DERA: variants seen among roughly 807,000 people sequenced by gnomAD.
DERA encodes the protein 2-deoxy-D-ribose 5-phosphate aldolase.
A neutral mutation model predicts 41.1 loss-of-function variants in DERA; 15 were observed. The observed-to-expected ratio is 0.37, with a 90% CI of 0.24 to 0.56. The LOEUF is 0.56. Among genes scored for constraint, DERA ranks in the 20% least tolerant of loss-of-function variants. The pLI, the probability that DERA is intolerant of heterozygous loss-of-function variation, is 0.81. For synonymous variants in DERA, 139 were observed against 137.4 expected (o/e 1.01, Z -0.08); for missense variants, 396 against 403.4 (o/e 0.98, Z 0.16).
At position 16,003,099 on chromosome 12, in the gene DERA, T is replaced by C. The variant is rs761504844; in HGVS notation, c.637+20663T>C. On this transcript the variant is annotated intron_variant, in intron 6 of 8. Transcript: ENST00000428559. This position sits in a 1 kb window ranked among gnomAD's most constrained non-coding sequence, Gnocchi z 4.8. ...AGCAGGGTTAGTTCCTTCTGAGGGC[T>C]ATGAGAAAGAATCTGTTTTGTGGCT... 1.2e-4 allele frequency among the ~76,000 whole-genome samples: 19 copies of C among 152,310 alleles called. No individual in the cohort carries two copies. The highest frequency in any genetic ancestry group is 1.9e-4 in the Non-Finnish European group (13 of 68,032).
rs1265419799 is a variant in DERA at position 15,994,059 on chromosome 12, A to G, written c.637+11623A>G. ...GTCTGTGTAAAATTTTATTGTCTGA[A>G]ATTGTGAAAAATGTAGCCCAACATA... On this transcript the variant is annotated intron_variant, in intron 6 of 8. Coordinates refer to ENST00000428559, the MANE Select transcript of DERA (RefSeq NM_015954.4). The surrounding 1 kb of genome is among the most constrained non-coding windows in gnomAD (Gnocchi z 4.8). 6.6e-6 allele frequency among the ~76,000 whole-genome samples: 1 copy of G among 152,218 alleles called. No homozygotes were observed. Among genetic ancestry groups the G allele is most frequent in the Non-Finnish European group, 1.5e-5 (1 of 68,048 alleles).
Position 15,924,311 on chromosome 12 carries a change from A to G in DERA, c.31+12897A>G, listed in dbSNP as rs1025657118. On this transcript the variant is annotated intron_variant, in intron 1 of 8. Transcript: ENST00000428559. This position sits in a 1 kb window ranked among gnomAD's most constrained non-coding sequence, Gnocchi z 5.0. ...GTGGTATGCCGCTATGGTCACAGCT[A>G]CCTTGGAAACTGAGGCGGGACAAGG... 2.0e-5 allele frequency among the ~76,000 whole-genome samples: 3 copies of G among 152,202 alleles called. No individual in the cohort carries two copies. The East Asian group carries it at 5.8e-4, about 29-fold the overall frequency.
At chr12:15,961,459 T>C (rs1948587283) in intron 4 of DERA, among the ~76,000 whole-genome samples, 1 of 152,112 alleles carries the variant, frequency 6.6e-6, no homozygotes, top group African/African-American at 2.4e-5. Flanking sequence ...GAGGATTGAT[T>C]AAAGCCAGAA....
rs1340884323 is a variant in DERA at position 16,036,233 on chromosome 12, T to C, written c.752T>C (p.Ile251Thr). 2 of 1,596,518 alleles carry C rather than the reference T, an allele frequency of 1.3e-6. No individual in the cohort carries two copies. The highest frequency in any genetic ancestry group is 4.5e-5 in the East Asian group (2 of 44,482). Residue 251 changes from isoleucine (I) to threonine (T), a missense_variant and splice_region_variant, in exon 8 of 9, where the codon ATA (isoleucine) becomes ACA (threonine). Coordinates refer to ENST00000428559, the MANE Select transcript of DERA (RefSeq NM_015954.4). This position sits in a 1 kb window ranked among gnomAD's most constrained non-coding sequence, Gnocchi z 4.9. ...RDFFWKTGNK[I>T]GFKPAGGIRS... ...TCTATTCTCTGCCTTCCCATTTAGA[T>C]AGGGTTTAAACCAGCAGGAGGCATC...
intron 5 of DERA, among the ~76,000 whole-genome samples, chr12:15,968,604 T>C (rs1948639560): frequency 6.6e-6 from 1 of 152,266 alleles, no homozygotes; most frequent in African/African-American, 2.4e-5. Flanking sequence ...AGACAGATCT[T>C]GGCTGGAATC....
At chr12:15,991,108 C>T (rs906352655) in intron 6 of DERA, among the ~76,000 whole-genome samples, 4 of 152,142 alleles carry the variant, frequency 2.6e-5, no homozygotes, top group Admixed American at 6.5e-5. Context: ...TCCACAACCT[C>T]GCCAGCATTT....
Position 16,007,487 on chromosome 12 carries a change from A to G in DERA, c.637+25051A>G, listed in dbSNP as rs370834327. ...GCGTGAGCCACTGTGCCCCGCCAAT[A>G]GACATTATTCTTCATTAAAGCTGGT... is the stretch of plus-strand genomic sequence containing the variant. On this transcript the variant is annotated intron_variant, in intron 6 of 8. Coordinates refer to ENST00000428559, the MANE Select transcript of DERA (RefSeq NM_015954.4). Among the ~76,000 whole-genome samples, 19 of 152,228 alleles carry G rather than the reference A, an allele frequency of 1.2e-4. No homozygotes were observed. The East Asian group carries it at 3.5e-3, about 28-fold the overall frequency.
chr12:15,936,892 T>TTGTCCC lies in DERA; in HGVS notation c.32-20044_32-20043insTGTCCC, dbSNP rs1565588632. 7.9e-6 allele frequency among the ~76,000 whole-genome samples: 1 copy of TTGTCCC among 126,670 alleles called. No individual in the cohort carries two copies. Among genetic ancestry groups the TTGTCCC allele is most frequent in the East Asian group, 2.0e-4 (1 of 4,980 alleles). The allele number at this position is 126,670 out of a possible 152,430, so 83.1% of individuals were successfully genotyped here. ...TGTCTTGTCTTGTCTTGTCTTGTCC[T>TTGTCCC]GTCCTGTCCTGTCCTGTCCTGTCCT... On this transcript the variant is annotated intron_variant, in intron 1 of 8. Coordinates refer to ENST00000428559, the MANE Select transcript of DERA (RefSeq NM_015954.4). This position sits in a 1 kb window ranked among gnomAD's most constrained non-coding sequence, Gnocchi z 4.6.
At position 16,036,363 on chromosome 12, in the gene DERA, C is replaced by A; in HGVS notation, c.882C>A (p.Leu294=). The change falls in exon 8 of 9, where the codon CTC becomes CTA. Residue 294 remains leucine (L), a synonymous_variant. Transcript: ENST00000428559. The surrounding 1 kb of genome is among the most constrained non-coding windows in gnomAD (Gnocchi z 4.9). ...TTCGAATAGGTGCCAGTACTCTGCT[C>A]TCGGACATTGAGAGGCAGGTGAGTA... ...ELFRIGASTL[L]SDIERQIYHH... is the part of the protein sequence containing the mutation. The A allele has an allele frequency of 6.2e-7, 1 of 1,602,618 alleles. No homozygotes were observed. Among genetic ancestry groups the A allele is most frequent in the Non-Finnish European group, 8.5e-7 (1 of 1,176,292 alleles).
chr12:15,998,700 G>C lies in DERA; in HGVS notation c.637+16264G>C, dbSNP rs1007255724. ...GATTCTGAGGTAGGAAGCACCTTTA[G>C]CATAGGCAGTCCACAGTTAACAAAC... On this transcript the variant is annotated intron_variant, in intron 6 of 8. Coordinates refer to ENST00000428559, the MANE Select transcript of DERA (RefSeq NM_015954.4). The surrounding 1 kb of genome is among the most constrained non-coding windows in gnomAD (Gnocchi z 4.8). Among the ~76,000 whole-genome samples the C allele has an allele frequency of 6.6e-6, 1 of 152,258 alleles. No homozygotes were observed. Among genetic ancestry groups the C allele is most frequent in the Non-Finnish European group, 1.5e-5 (1 of 68,020 alleles).
rs1278655899 is a variant in DERA at position 16,009,393 on chromosome 12, ATACTT to A, written c.638-23146_638-23142del. On this transcript the variant is annotated intron_variant, in intron 6 of 8. Coordinates refer to ENST00000428559, the MANE Select transcript of DERA (RefSeq NM_015954.4). This position sits in a 1 kb window ranked among gnomAD's most constrained non-coding sequence, Gnocchi z 5.3. Reference sequence around the variant, plus strand: ...TATATACAATACTTTTTAGATCTTTATACTTTAAATTTTTCATCATCTTTAGTTTC... The same window carrying A: ...TATATACAATACTTTTTAGATCTTTATAAATTTTTCATCATCTTTAGTTTC... 6.6e-6 allele frequency among the ~76,000 whole-genome samples: 1 copy of A among 152,168 alleles called. No homozygotes were observed. The highest frequency in any genetic ancestry group is 1.5e-5 in the Non-Finnish European group (1 of 68,020).
In DERA at chr12:15,992,909, T is replaced by G. The variant is rs1948811500; in HGVS notation, c.637+10473T>G. ...GCAGGCATGATAAATAAGGTTGGAG[T>G]AGAAAAGCACTAAAGATGCAATCAT... is the stretch of plus-strand genomic sequence containing the variant. On this transcript the variant is annotated intron_variant, in intron 6 of 8. Coordinates refer to ENST00000428559, the MANE Select transcript of DERA (RefSeq NM_015954.4). The surrounding 1 kb of genome is among the most constrained non-coding windows in gnomAD (Gnocchi z 4.3). Among the ~76,000 whole-genome samples, 2 of 152,084 alleles carry G rather than the reference T, an allele frequency of 1.3e-5. No individual in the cohort carries two copies. The highest frequency in any genetic ancestry group is 6.6e-5 in the Admixed American group (1 of 15,264).
chr12:16,025,952 T>C (rs554482538), intron 6 of DERA, among the ~76,000 whole-genome samples: 1 of 152,098 alleles, frequency 6.6e-6, no homozygotes, highest in South Asian at 2.1e-4. Flanking sequence ...CTAAATAACA[T>C]ATGGGTCAAA....
chr12:15,936,601 C>G lies in DERA; in HGVS notation c.32-20335C>G, dbSNP rs1158762164. Among the ~76,000 whole-genome samples, 2 of 152,168 alleles carry G rather than the reference C, an allele frequency of 1.3e-5. 1 individual carries two copies. Among genetic ancestry groups the G allele is most frequent in the Non-Finnish European group, 2.9e-5 (2 of 68,038 alleles). ...AATAATTCCTGGTTAACATCTAATA[C>G]TGAGACCATATTTAAATTTGTTCAG... On this transcript the variant is annotated intron_variant, in intron 1 of 8. Transcript: ENST00000428559. The surrounding 1 kb of genome is among the most constrained non-coding windows in gnomAD (Gnocchi z 4.6).
Position 16,000,320 on chromosome 12 carries a change from T to C in DERA, c.637+17884T>C, listed in dbSNP as rs1455333113. On this transcript the variant is annotated intron_variant, in intron 6 of 8. Transcript: ENST00000428559. The surrounding 1 kb of genome is among the most constrained non-coding windows in gnomAD (Gnocchi z 4.8). ...TCTGTTCTTGCAACAAGGAAAAACA[T>C]AGTAACGTTTTTAAGGAAATCTGAT... 1.3e-5 allele frequency among the ~76,000 whole-genome samples: 2 copies of C among 152,160 alleles called. No homozygotes were observed. Among genetic ancestry groups the C allele is most frequent in the Non-Finnish European group, 2.9e-5 (2 of 68,036 alleles).
intron 6 of DERA, among the ~76,000 whole-genome samples, chr12:16,015,390 C>T (rs576588411): frequency 2.6e-5 from 4 of 152,302 alleles, no homozygotes; most frequent in Admixed American, 2.0e-4. Flanking sequence ...GAAGTTCTCA[C>T]GAGATCTGAT....
chr12:16,004,857 A>G lies in DERA; in HGVS notation c.637+22421A>G, dbSNP rs147547120. Reference sequence around the variant, plus strand: ...ATTGATTTATAAAGATCGTCTGCATATGTGTGTTTCCTAGTTCAAGGAGTT... The same window carrying G: ...ATTGATTTATAAAGATCGTCTGCATGTGTGTGTTTCCTAGTTCAAGGAGTT... On this transcript the variant is annotated intron_variant, in intron 6 of 8. Transcript: ENST00000428559. The surrounding 1 kb of genome is among the most constrained non-coding windows in gnomAD (Gnocchi z 4.2). Among the ~76,000 whole-genome samples the G allele has an allele frequency of 3.4e-3, 519 of 152,322 alleles. 4 individuals are homozygous for G. Among genetic ancestry groups the G allele is most frequent in the African/African-American group, 0.012 (500 of 41,576 alleles).
chr12:15,992,415 G>T lies in DERA; in HGVS notation c.637+9979G>T, dbSNP rs2136168366. On this transcript the variant is annotated intron_variant, in intron 6 of 8. Coordinates refer to ENST00000428559, the MANE Select transcript of DERA (RefSeq NM_015954.4). The surrounding 1 kb of genome is among the most constrained non-coding windows in gnomAD (Gnocchi z 4.3). ...GTATTTCTAAAGCAATGTAAGGTAT[G>T]ACAAGGATATTAATGATCTGTAAGA... Among the ~76,000 whole-genome samples, 1 of 152,222 alleles carries T rather than the reference G, an allele frequency of 6.6e-6. No homozygotes were observed. Among genetic ancestry groups the T allele is most frequent in the Middle Eastern group, 3.4e-3 (1 of 294 alleles).
In DERA at chr12:15,922,375, T is replaced by C. The variant is rs139865158; in HGVS notation, c.31+10961T>C. Among the ~76,000 whole-genome samples the C allele has an allele frequency of 3.0e-3, 464 of 152,268 alleles. 3 individuals carry two copies. Among genetic ancestry groups the C allele is most frequent in the African/African-American group, 0.011 (449 of 41,566 alleles). ...GGCAAAGATCTCATATGGATTTTTA[T>C]TAGTGAAAACATTTCCATAGATCTG... On this transcript the variant is annotated intron_variant, in intron 1 of 8. Transcript: ENST00000428559. The surrounding 1 kb of genome is among the most constrained non-coding windows in gnomAD (Gnocchi z 4.9).
Sources: gnomAD v4.1 joint callset for allele counts (sites outside exome capture counted in the v4.1 genomes callset) on GRCh38, gnomAD v4.1.1 for gene constraint, Gnocchi (gnomAD v3.1) non-coding constraint, MANE v1.5 for transcripts, NCBI Gene and HGNC (gene_info 2026-07-23, HGNC 2026-07-21) for gene names.